The following CACNA2D3 variants were observed in gnomAD, a reference collection of about 807,000 sequenced individuals.
CACNA2D3 encodes voltage-dependent calcium channel subunit alpha-2/delta-3.
A neutral mutation model predicts 160.6 loss-of-function variants in CACNA2D3; 60 were observed. The ratio of observed to expected loss-of-function variants is 0.37; its 90% confidence interval spans 0.30 to 0.46. CACNA2D3 has a LOEUF of 0.46. Ranked by LOEUF, CACNA2D3 falls within the 20% of genes least tolerant of loss-of-function variation. The probability of loss-of-function intolerance (pLI) is 1.00; values close to 1 mark genes in which losing one functional copy is unlikely to be tolerated. For missense variants in CACNA2D3, 1,205 were observed against 1,365.0 expected (o/e 0.88, Z 1.85); for synonymous variants, 558 against 492.9 (o/e 1.13, Z -1.75).
At chr3:54,678,761 A>C (rs978100001) in intron 11 of CACNA2D3, among the ~76,000 whole-genome samples, 4 of 144,484 alleles carry the variant, frequency 2.8e-5, no homozygotes, top group African/African-American at 9.9e-5. Context: ...TTGATGATCA[A>C]GTTAATTAAT....
intron 35 of CACNA2D3, among the ~76,000 whole-genome samples, chr3:55,035,204 T>C (rs1476221007): frequency 2.0e-5 from 3 of 152,202 alleles, no homozygotes; most frequent in African/African-American, 7.2e-5. Flanking sequence ...GTGATAGACA[T>C]GTTTATACAT....
chr3:54,404,842 T>A (rs988405252), intron 4 of CACNA2D3, among the ~76,000 whole-genome samples: 2 of 151,596 alleles, frequency 1.3e-5, no homozygotes, highest in Admixed American at 6.6e-5. Context: ...AGATGAAAAA[T>A]TCAAGAAAAT....
At chr3:54,350,997 T>TTTTTTTTTTTTTG (rs1698553464) in intron 3 of CACNA2D3, among the ~76,000 whole-genome samples, 1 of 120,998 alleles carries the variant, frequency 8.3e-6, no homozygotes, top group Admixed American at 9.2e-5. Context: ...TTTTTTTTTT[T>TTTTTTTTTTTTTG]TTTTTTTTTG....
At chr3:54,444,053 G>A (rs138932523) in intron 4 of CACNA2D3, among the ~76,000 whole-genome samples, 3,267 of 152,228 alleles carry the variant, frequency 0.021, 48 homozygotes, top group Middle Eastern at 0.048. Context: ...GGAGACCCGG[G>A]CCACATTTTG....
At chr3:54,728,274 G>T (rs1177802450) in intron 11 of CACNA2D3, among the ~76,000 whole-genome samples, 2 of 151,890 alleles carry the variant, frequency 1.3e-5, no homozygotes, top group Non-Finnish European at 2.9e-5. Flanking sequence ...TTGTTGTCTA[G>T]TTTTTTCTCT....
At chr3:54,760,354 G>A (rs977640869) in intron 12 of CACNA2D3, among the ~76,000 whole-genome samples, 3 of 152,126 alleles carry the variant, frequency 2.0e-5, no homozygotes, top group African/African-American at 7.2e-5. Context: ...GAACGCAGTT[G>A]GCATGTGAGA....
At chr3:54,291,054 TAATAA>T (rs1163086369) in intron 2 of CACNA2D3, among the ~76,000 whole-genome samples, 2 of 152,140 alleles carry the variant, frequency 1.3e-5, no homozygotes, top group African/African-American at 4.8e-5. Flanking sequence ...ACTTAAAGTA[TAATAA>T]AATAAAATAA....
intron 11 of CACNA2D3, among the ~76,000 whole-genome samples, chr3:54,739,421 G>A (rs1261209642): frequency 3.4e-5 from 3 of 89,408 alleles, no homozygotes; most frequent in Admixed American, 1.5e-4. Flanking sequence ...GTGAGACTCT[G>A]TCTCAAAAAA....
At chr3:54,774,055 G>A (rs1314396403) in intron 13 of CACNA2D3, among the ~76,000 whole-genome samples, 3 of 152,182 alleles carry the variant, frequency 2.0e-5, no homozygotes, top group Admixed American at 6.5e-5. Context: ...CATACAACAT[G>A]ATGGCTTATT....
At chr3:54,369,505 G>T (rs1698886432) in intron 3 of CACNA2D3, among the ~76,000 whole-genome samples, 1 of 152,134 alleles carries the variant, frequency 6.6e-6, no homozygotes, top group Admixed American at 6.5e-5. Context: ...CTGGACCCCA[G>T]CCTCTGACCA....
chr3:54,768,341 A>AC (rs532150488), intron 13 of CACNA2D3, among the ~76,000 whole-genome samples: 1 of 152,192 alleles, frequency 6.6e-6, no homozygotes, highest in Non-Finnish European at 1.5e-5. Context: ...TATTGTTTTG[A>AC]CCAGGGACAC....
At chr3:54,992,134 A>G (rs1702756012) in intron 31 of CACNA2D3, among the ~76,000 whole-genome samples, 1 of 152,112 alleles carries the variant, frequency 6.6e-6, no homozygotes, top group Non-Finnish European at 1.5e-5. Flanking sequence ...TCGTATATTA[A>G]GTTGATTTGG....
chr3:54,350,986 G>GTTTTTTTTTTTTTTTTTTTTTTTTTT (rs796392854), intron 3 of CACNA2D3, among the ~76,000 whole-genome samples: 8 of 65,952 alleles, frequency 1.2e-4, no homozygotes, highest in Non-Finnish European at 2.4e-4. Context: ...TTTTTTGTTT[G>GTTTTTTTTTTTTTTTTTTTTTTTTTT]TTTTTTTTTT....
At chr3:54,228,157 A>T (rs1291822649) in intron 2 of CACNA2D3, among the ~76,000 whole-genome samples, 1 of 152,176 alleles carries the variant, frequency 6.6e-6, no homozygotes, top group Non-Finnish European at 1.5e-5. Context: ...AGAATAGTGG[A>T]CTTTCAGAGC....
intron 8 of CACNA2D3, among the ~76,000 whole-genome samples, chr3:54,571,562 A>T (rs1182869590): frequency 6.6e-6 from 1 of 151,550 alleles, no homozygotes; most frequent in Non-Finnish European, 1.5e-5. Flanking sequence ...CTCTTACCAA[A>T]GGCTCGTCAG....
chr3:54,736,148 C>CATATATATGTATATATATAT (rs1701526734), intron 11 of CACNA2D3, among the ~76,000 whole-genome samples: 1 of 124,398 alleles, frequency 8.0e-6, no homozygotes, highest in Non-Finnish European at 1.7e-5. Flanking sequence ...TATACACACA[C>CATATATATGTATATATATAT]ACACACACAC....
intron 3 of CACNA2D3, chr3:54,367,555 A>G: frequency 2.8e-6 from 1 of 358,940 alleles, no homozygotes; most frequent in Non-Finnish European, 5.6e-6. Flanking sequence ...AATGAAACCC[A>G]TCAGAGTGGT....
At chr3:54,570,316 A>AC (rs1474245542) in intron 8 of CACNA2D3, among the ~76,000 whole-genome samples, 1 of 152,132 alleles carries the variant, frequency 6.6e-6, no homozygotes, top group Non-Finnish European at 1.5e-5. Context: ...GCCTGTCTTA[A>AC]CCTACCACAC....
At chr3:54,215,433 A>G (rs1024704773) in intron 2 of CACNA2D3, among the ~76,000 whole-genome samples, 3 of 152,196 alleles carry the variant, frequency 2.0e-5, no homozygotes, top group African/African-American at 7.2e-5. Context: ...GATCTCCAGA[A>G]TGTGTTCGTC....
Sources: allele counts gnomAD v4.1 joint callset (sites outside exome capture counted in the v4.1 genomes callset), GRCh38; gene constraint gnomAD v4.1.1; transcripts MANE v1.5; gene names NCBI Gene and HGNC (gene_info 2026-07-23, HGNC 2026-07-21).